Variants in NID2 observed in about 807,000 individuals in gnomAD.
The protein encoded by NID2 is nidogen 2.
Under a neutral mutation model 145.4 loss-of-function variants are expected in NID2, and 83 were observed. That is an observed-to-expected ratio of 0.57 (90% CI 0.48 to 0.69). The LOEUF is 0.69. Among genes scored for constraint, NID2 ranks in the 30% least tolerant of loss-of-function variants. The probability of loss-of-function intolerance (pLI) is 0.00; values close to 1 mark genes in which losing one functional copy is unlikely to be tolerated. For synonymous variants in NID2, 739 were observed against 701.3 expected (o/e 1.05, Z -0.85); for missense variants, 1,807 against 1,765.7 (o/e 1.02, Z -0.42).
At chr14:52,036,695 G>A (rs141542679) in intron 9 of NID2, among the ~76,000 whole-genome samples, 9 of 152,164 alleles carry the variant, frequency 5.9e-5, no homozygotes, top group East Asian at 3.9e-4. Context: ...GATTATACTC[G>A]ACCACATGAT....
intron 18 of NID2, chr14:52,008,905 G>A (rs966130987): frequency 5.3e-5 from 8 of 152,138 alleles, no homozygotes; most frequent in South Asian, 2.1e-4. Context: ...TAAATGCCAC[G>A]TTAAAAATGA....
At position 52,011,047 on chromosome 14, in the gene NID2, C is replaced by T. The variant is rs201074665; in HGVS notation, c.3551G>A (p.Gly1184Asp). Reference protein sequence around the residue: ...GAEPETIVNSGLISPEGLAID... With the variant: ...GAEPETIVNSDLISPEGLAID... ...GGCAAGTCCTTCAGGGCTTATCAGA[C>T]CTGGAAATAAAGCAAAGTCAGGACT... The change falls in exon 18 of 22, where the codon GGT becomes GAT. Residue 1184 changes from glycine to aspartate, a missense_variant and splice_region_variant. Physicochemically the swap from Gly to Asp is moderately conservative, Grantham distance 94 (BLOSUM62 -1). Transcript: ENST00000216286. The T allele has an allele frequency of 3.7e-5, 60 of 1,612,224 alleles. No homozygotes were observed. In the Middle Eastern group the frequency reaches 5.0e-4, roughly 13 times the overall value.
At chr14:52,026,936 C>A (rs1212435014) in intron 12 of NID2, among the ~76,000 whole-genome samples, 1 of 152,180 alleles carries the variant, frequency 6.6e-6, no homozygotes, top group Non-Finnish European at 1.5e-5. Flanking sequence ...TGCGCTGGCT[C>A]CAAGGAACCA....
intron 5 of NID2, among the ~76,000 whole-genome samples, chr14:52,051,318 C>T (rs1892672054): frequency 6.6e-6 from 1 of 152,146 alleles, no homozygotes; most frequent in Non-Finnish European, 1.5e-5. Flanking sequence ...GCTTCCCAAG[C>T]TCAATTTCAG....
At chr14:52,018,853 AACAGAT>A (rs1891304351) in intron 14 of NID2, among the ~76,000 whole-genome samples, 1 of 152,262 alleles carries the variant, frequency 6.6e-6, no homozygotes, top group South Asian at 2.1e-4. Context: ...GCAAATGTGT[AACAGAT>A]CATATGTGTC....
In NID2 at chr14:52,030,577, G is replaced by GGAAAGAAA. The variant is rs59292241; in HGVS notation, c.2258-895_2258-888dup. ...GAAAGAAAGAAAGAAAGGAAGGAAGGGAAAGAAAGAAAGAAAGAAAGAAAG... is the reference window on the plus strand; with the variant it reads ...GAAAGAAAGAAAGAAAGGAAGGAAGGGAAAGAAAGAAAGAAAGAAAGAAAGAAAGAAAG... On this transcript the variant is annotated intron_variant, in intron 9 of 21. Transcript: ENST00000216286. 3.2e-5 allele frequency among the ~76,000 whole-genome samples: 3 copies of GGAAAGAAA among 92,956 alleles called. No individual in the cohort carries two copies. In the East Asian group the frequency reaches 1.2e-3, roughly 37 times the overall value. 61.0% of individuals were successfully genotyped at this position (92,956 alleles called of 152,430 possible). A position where few individuals can be genotyped will look rare whatever the true frequency, so the allele number is the denominator to read the frequency against.
At chr14:52,008,963 G>T (rs1286712484) in intron 18 of NID2, 1 of 152,160 alleles carries the variant, frequency 6.6e-6, no homozygotes, top group Non-Finnish European at 1.5e-5. Flanking sequence ...CCTATTAAGT[G>T]GAAATAGGTT....
intron 2 of NID2, among the ~76,000 whole-genome samples, chr14:52,063,340 C>T (rs930833939): frequency 6.6e-6 from 1 of 152,162 alleles, no homozygotes; most frequent in Non-Finnish European, 1.5e-5. Flanking sequence ...GGGAGAGGAG[C>T]AGCACAGAGA....
rs1157660804 is a variant in NID2, at chr14:52,011,677, T to C, written c.3427A>G (p.Ile1143Val). The change falls in exon 17 of 22, where the codon ATA (isoleucine) becomes GTA (valine). Residue 1143 changes from isoleucine (I) to valine (V), a missense_variant. Physicochemically the swap from Ile to Val is conservative, Grantham distance 29 (BLOSUM62 3). Transcript: ENST00000216286. ...CAGTCGTAATCAATTCCCACGATTATGGAGCCCTTTGTGCATCAAATCATA... is the reference window on the plus strand; with the variant it reads ...CAGTCGTAATCAATTCCCACGATTACGGAGCCCTTTGTGCATCAAATCATA... ...AKTLLSLHGS[I>V]IVGIDYDCRE... is the part of the protein sequence containing the mutation. 1 of 1,614,198 alleles carries C rather than the reference T, an allele frequency of 6.2e-7. No individual in the cohort carries two copies.
At chr14:52,016,186 G>A (rs1468125714) in intron 14 of NID2, among the ~76,000 whole-genome samples, 1 of 152,162 alleles carries the variant, frequency 6.6e-6, no homozygotes, top group Non-Finnish European at 1.5e-5. Flanking sequence ...CCAAAATACA[G>A]GTTGTTCTGA....
intron 9 of NID2, among the ~76,000 whole-genome samples, chr14:52,033,951 G>A (rs1891967785): frequency 6.6e-6 from 1 of 152,092 alleles, no homozygotes; most frequent in South Asian, 2.1e-4. Flanking sequence ...ACTATGACCA[G>A]GCAAATTACT....
chr14:52,023,579 G>C (rs955960841), intron 12 of NID2, among the ~76,000 whole-genome samples: 1 of 152,080 alleles, frequency 6.6e-6, no homozygotes, highest in Non-Finnish European at 1.5e-5. Flanking sequence ...CTGGGTAATG[G>C]GCCATCTGTA....
rs1256861328 is a variant in NID2 at position 52,038,887 on chromosome 14, T to A, written c.2117A>T (p.Tyr706Phe). The A allele has an allele frequency of 6.2e-7, 1 of 1,614,120 alleles. No homozygotes were observed. The highest frequency in any genetic ancestry group is 1.7e-5 in the Admixed American group (1 of 60,018). The change falls in exon 9 of 22, where the codon TAC becomes TTC. Residue 706 changes from tyrosine to phenylalanine, a missense_variant. By Grantham distance (22) the Tyr-to-Phe change is conservative. Coordinates refer to ENST00000216286, the MANE Select transcript of NID2 (RefSeq NM_007361.4). ...TCTGGGGGCGTGCCTGCACACCTGG[T>A]AAGTGATGTTCTGGTGGATGCGGTA... The part of the protein sequence containing the change: ...WSYRIHQNIT[Y>F]QVCRHAPRHP...
intron 8 of NID2, among the ~76,000 whole-genome samples, chr14:52,039,473 C>A (rs1892198447): frequency 6.6e-6 from 1 of 152,230 alleles, no homozygotes; most frequent in Non-Finnish European, 1.5e-5. Context: ...TTCAGTAAAT[C>A]TGAAGGATTC....
chr14:52,027,141 T>C (rs1891613941), intron 12 of NID2, 60 bp downstream of exon 12: 2 of 1,413,046 alleles, frequency 1.4e-6, no homozygotes, highest in Non-Finnish European at 1.9e-6. Flanking sequence ...GCTCCATCTA[T>C]GTGGGGATGT....
At chr14:52,033,259 G>A (rs946541307) in intron 9 of NID2, among the ~76,000 whole-genome samples, 9 of 152,048 alleles carry the variant, frequency 5.9e-5, no homozygotes, top group Non-Finnish European at 1.3e-4. Flanking sequence ...GGGGAAGAGC[G>A]GTTTTCCTTA....
chr14:52,005,782 A>C lies in NID2; in HGVS notation c.4072T>G (p.Ser1358Ala). 1 of 1,613,924 alleles carries C rather than the reference A, an allele frequency of 6.2e-7. No individual in the cohort carries two copies. Among genetic ancestry groups the C allele is most frequent in the Admixed American group, 1.7e-5 (1 of 60,014 alleles). ...FTDEYLPEQR[S>A]HLYGITAVYP... is the part of the protein sequence containing the mutation. ...ACTGCAGTTATCCCGTAGAGGTGAG[A>C]TCGTTGTTCTGGGAGATACTCATCA... Residue 1358 changes from serine to alanine, a missense_variant, in exon 21 of 22, where the codon TCT becomes GCT. Coordinates refer to ENST00000216286, the MANE Select transcript of NID2 (RefSeq NM_007361.4).
rs1891313913 is a variant in NID2 at position 52,019,115 on chromosome 14, G to A, written c.2974C>T (p.Pro992Ser). Residue 992 changes from proline to serine, a missense_variant, in exon 14 of 22, where the codon CCT becomes TCT. By Grantham distance (74) the Pro-to-Ser change is moderately conservative (BLOSUM62 -1). Transcript: ENST00000216286. The part of the protein sequence containing the change: ...WCVDPDGHEV[P>S]GTQTPPGSTP... Reference sequence around the variant, plus strand: ...GAGCCAGGTGGAGTCTGGGTACCAGGAACTTCATGACCATCAGGGTCCACG... The same window carrying A: ...GAGCCAGGTGGAGTCTGGGTACCAGAAACTTCATGACCATCAGGGTCCACG... 1 of 1,613,990 alleles carries A rather than the reference G, an allele frequency of 6.2e-7. No individual in the cohort carries two copies. Among genetic ancestry groups the A allele is most frequent in the Non-Finnish European group, 8.5e-7 (1 of 1,180,016 alleles).
At chr14:52,057,735 A>C (rs1297673338) in intron 3 of NID2, among the ~76,000 whole-genome samples, 4 of 151,772 alleles carry the variant, frequency 2.6e-5, no homozygotes, top group African/African-American at 9.7e-5. Flanking sequence ...AAAGAAAAGA[A>C]AAAAATGTAA....
Sources: allele counts gnomAD v4.1 joint callset (sites outside exome capture counted in the v4.1 genomes callset), GRCh38; gene constraint gnomAD v4.1.1; transcripts MANE v1.5; gene names NCBI Gene and HGNC (gene_info 2026-07-23, HGNC 2026-07-21).